GABBR2: variants seen among roughly 807,000 people sequenced by gnomAD.
The protein encoded by GABBR2 is G-protein coupled receptor 51.
Under a neutral mutation model 105.6 loss-of-function variants are expected in GABBR2, and 23 were observed. The observed-to-expected ratio is 0.22, with a 90% CI of 0.16 to 0.31. The LOEUF (loss-of-function observed/expected upper bound fraction) is 0.31. Ranked by LOEUF, GABBR2 falls within the 10% of genes least tolerant of loss-of-function variation. The pLI is 1.00. For missense variants in GABBR2, 734 were observed against 1,245.5 expected (o/e 0.59, Z 6.18); for synonymous variants, 478 against 499.7 (o/e 0.96, Z 0.58).
intron 2 of GABBR2, among the ~76,000 whole-genome samples, chr9:98,549,844 G>C (rs149652303): frequency 0.011 from 1,694 of 152,276 alleles, 31 homozygotes; most frequent in African/African-American, 0.039. Flanking sequence ...GAGTGCTTCT[G>C]ATAATGATGG....
chr9:98,389,051 C>A, intron 9 of GABBR2, 47 bp from the exon 10 acceptor site: 1 of 1,543,876 alleles, frequency 6.5e-7, no homozygotes, highest in South Asian at 1.2e-5. Flanking sequence ...GCAAGTCATT[C>A]CCCGAGAACA....
At chr9:98,492,256 T>C (rs1588192720) in intron 4 of GABBR2, among the ~76,000 whole-genome samples, 1 of 147,524 alleles carries the variant, frequency 6.8e-6, no homozygotes, top group Non-Finnish European at 1.5e-5. Context: ...TATAAAATTG[T>C]TGTAGTTCAA....
intron 13 of GABBR2, among the ~76,000 whole-genome samples, chr9:98,320,164 G>A (rs559236582): frequency 3.2e-4 from 48 of 151,944 alleles, no homozygotes; most frequent in South Asian, 4.2e-4. Context: ...AAAAGTGGGC[G>A]AAGGACATGA....
At chr9:98,680,188 CT>C (rs532060848) in intron 1 of GABBR2, among the ~76,000 whole-genome samples, 19 of 152,084 alleles carry the variant, frequency 1.2e-4, no homozygotes, top group Non-Finnish European at 2.8e-4. Context: ...AAAGATGTAC[CT>C]TACTTCTGAA....
intron 7 of GABBR2, among the ~76,000 whole-genome samples, chr9:98,429,095 T>A (rs1825752678): frequency 3.3e-5 from 5 of 150,582 alleles, no homozygotes; most frequent in Admixed American, 2.0e-4. Flanking sequence ...ATTTCATGAT[T>A]AAATTAAAAA....
chr9:98,667,479 A>C (rs1256630935), intron 1 of GABBR2, among the ~76,000 whole-genome samples: 2 of 151,978 alleles, frequency 1.3e-5, no homozygotes, highest in African/African-American at 4.8e-5. Context: ...TGCGTTACCC[A>C]CATTTATGTC....
chr9:98,559,685 C>T (rs912741835), intron 2 of GABBR2, among the ~76,000 whole-genome samples: 4 of 151,846 alleles, frequency 2.6e-5, no homozygotes, highest in Non-Finnish European at 5.9e-5. Context: ...CCAGAAATTC[C>T]ACTTCTAGGA....
At chr9:98,548,366 A>G (rs74688427) in intron 2 of GABBR2, among the ~76,000 whole-genome samples, 5,386 of 119,486 alleles carry the variant, frequency 0.045, 1,135 homozygotes, top group African/African-American at 0.14. Flanking sequence ...AAGTGACATC[A>G]TCTTTTACCC....
chr9:98,653,719 G>GCACACACA (rs34694230), intron 1 of GABBR2, among the ~76,000 whole-genome samples: 1 of 150,144 alleles, frequency 6.7e-6, no homozygotes, highest in Non-Finnish European at 1.5e-5. Context: ...GAGGTTTTCA[G>GCACACACA]CACACACACA....
chr9:98,604,064 T>G (rs969073994), intron 1 of GABBR2, among the ~76,000 whole-genome samples: 9 of 152,016 alleles, frequency 5.9e-5, no homozygotes, highest in Admixed American at 2.0e-4. Context: ...GGGCACAGGG[T>G]GGTGCTTTTC....
chr9:98,563,068 CAAAAAAAAAAAAAAAAA>C (rs56185925), intron 2 of GABBR2, among the ~76,000 whole-genome samples: 5 of 63,024 alleles, frequency 7.9e-5, no homozygotes, highest in South Asian at 8.2e-4. Flanking sequence ...AGACCCTGTC[CAAAAAAAAAAAAAAAAA>C]AAAAAAAAAA....
chr9:98,680,650 T>A (rs938218820), intron 1 of GABBR2, among the ~76,000 whole-genome samples: 1 of 152,178 alleles, frequency 6.6e-6, no homozygotes, highest in Admixed American at 6.5e-5. Context: ...GTTCTAAAGT[T>A]CTAGCATAAG....
At chr9:98,420,699 G>T (rs1297325799) in intron 7 of GABBR2, among the ~76,000 whole-genome samples, 1 of 152,228 alleles carries the variant, frequency 6.6e-6, no homozygotes, top group Non-Finnish European at 1.5e-5. Context: ...GCTTCCTGGA[G>T]AGAGGGTTTC....
At chr9:98,662,935 C>G (rs1281624275) in intron 1 of GABBR2, among the ~76,000 whole-genome samples, 2 of 152,070 alleles carry the variant, frequency 1.3e-5, no homozygotes, top group African/African-American at 2.4e-5. Flanking sequence ...ACAGCATGTC[C>G]CACAGGAGCC....
intron 6 of GABBR2, among the ~76,000 whole-genome samples, chr9:98,456,465 T>A: frequency 6.6e-6 from 1 of 152,220 alleles, no homozygotes; most frequent in Non-Finnish European, 1.5e-5. Context: ...CTTATGTGTT[T>A]ACTTGCTTAT....
At chr9:98,432,068 G>A (rs1001113787) in intron 7 of GABBR2, among the ~76,000 whole-genome samples, 1 of 152,026 alleles carries the variant, frequency 6.6e-6, no homozygotes, top group African/African-American at 2.4e-5. Flanking sequence ...GCTAATTTTT[G>A]TATTTTTAGT....
intron 12 of GABBR2, among the ~76,000 whole-genome samples, chr9:98,365,452 G>A (rs1831659649): frequency 1.3e-5 from 2 of 152,236 alleles, no homozygotes. Context: ...ATCATGTGTG[G>A]ATGGGTGCGT....
At chr9:98,293,027 C>T (rs2131335013) in intron 18 of GABBR2, among the ~76,000 whole-genome samples, 1 of 152,308 alleles carries the variant, frequency 6.6e-6, no homozygotes, top group Non-Finnish European at 1.5e-5. Context: ...AGCTCTAATA[C>T]TAAAGAGCCC....
At chr9:98,601,077 G>C (rs1829324547) in intron 1 of GABBR2, among the ~76,000 whole-genome samples, 1 of 152,126 alleles carries the variant, frequency 6.6e-6, no homozygotes, top group African/African-American at 2.4e-5. Context: ...CTTCCACCCT[G>C]TGCCCCACTG....
Sources: allele counts gnomAD v4.1 joint callset (sites outside exome capture counted in the v4.1 genomes callset), GRCh38; gene constraint gnomAD v4.1.1; transcripts MANE v1.5; gene names NCBI Gene and HGNC (gene_info 2026-07-23, HGNC 2026-07-21).